The following ARSB variants were observed in gnomAD, a reference collection of about 807,000 sequenced individuals.
ARSB encodes the protein arylsulfatase B.
ARSB carries 41 observed loss-of-function variants against 50.9 expected under a neutral mutation model. The ratio of observed to expected loss-of-function variants is 0.81; its 90% CI spans 0.63 to 1.04. The LOEUF (loss-of-function observed/expected upper bound fraction) is 1.04. Ranked by LOEUF, ARSB falls within the 50% of genes least tolerant of loss-of-function variation. The pLI is 0.00. For missense variants in ARSB, 672 were observed against 693.3 expected (o/e 0.97, Z 0.35); for synonymous variants, 269 against 284.8 (o/e 0.94, Z 0.56).
chr5:78,845,510 A>G (rs1438064032), intron 5 of ARSB, among the ~76,000 whole-genome samples: 1 of 151,972 alleles, frequency 6.6e-6, no homozygotes, highest in Non-Finnish European at 1.5e-5. Context: ...GGATAAGAGT[A>G]CCCCTTTCTC....
intron 4 of ARSB, among the ~76,000 whole-genome samples, chr5:78,937,133 C>T (rs931155207): frequency 2.0e-5 from 3 of 151,638 alleles, no homozygotes; most frequent in South Asian, 2.1e-4. Context: ...ATATAAGAAA[C>T]GGATTCATCT....
At chr5:78,878,220 G>A (rs1470989521) in intron 5 of ARSB, among the ~76,000 whole-genome samples, 1 of 152,100 alleles carries the variant, frequency 6.6e-6, no homozygotes, top group Non-Finnish European at 1.5e-5. Flanking sequence ...TTTTTGAGAA[G>A]CTTTTCTTTT....
At chr5:78,845,070 A>G (rs1745384358) in intron 5 of ARSB, among the ~76,000 whole-genome samples, 1 of 151,324 alleles carries the variant, frequency 6.6e-6, no homozygotes, top group African/African-American at 2.4e-5. Context: ...GAAAAACACT[A>G]CTCTACTCTT....
chr5:78,797,109 A>G (rs1580977728), intron 6 of ARSB, among the ~76,000 whole-genome samples: 1 of 151,728 alleles, frequency 6.6e-6, no homozygotes, highest in Non-Finnish European at 1.5e-5. Flanking sequence ...CGATCTCCTG[A>G]CCTCGTGATC....
intron 1 of ARSB, among the ~76,000 whole-genome samples, chr5:78,972,545 C>CACACACACACACACACACACA (rs1752501584): frequency 4.2e-5 from 3 of 72,018 alleles, no homozygotes; most frequent in African/African-American, 2.2e-4. Flanking sequence ...ACACACACAC[C>CACACACACACACACACACACA]CCAAATCAAA....
intron 5 of ARSB, among the ~76,000 whole-genome samples, chr5:78,867,575 C>T (rs10039336): frequency 0.79 from 119,834 of 151,728 alleles, 47,615 homozygotes; most frequent in Middle Eastern, 0.85. Flanking sequence ...CCTCACACGG[C>T]AGGGTATTCC....
intron 6 of ARSB, among the ~76,000 whole-genome samples, chr5:78,797,918 AG>A (rs1743239982): frequency 6.6e-6 from 1 of 152,210 alleles, no homozygotes; most frequent in African/African-American, 2.4e-5. Context: ...GCATAGGGGA[AG>A]GGGCCTCTAA....
chr5:78,927,412 C>T (rs890679082), intron 4 of ARSB, among the ~76,000 whole-genome samples: 1 of 152,160 alleles, frequency 6.6e-6, no homozygotes, highest in African/African-American at 2.4e-5. Context: ...CTTTTCTCCC[C>T]TGAATAATGA....
chr5:78,886,477 T>A (rs1748041231), intron 4 of ARSB, among the ~76,000 whole-genome samples: 1 of 151,992 alleles, frequency 6.6e-6, no homozygotes. Context: ...GATGGTGAAA[T>A]AAAGTTTCAT....
At chr5:78,865,110 A>AGGGGGGGTCCTAGTAG (rs56143814) in intron 5 of ARSB, among the ~76,000 whole-genome samples, 1 of 151,838 alleles carries the variant, frequency 6.6e-6, no homozygotes, top group African/African-American at 2.4e-5. Flanking sequence ...CAGCTCCACT[A>AGGGGGGGTCCTAGTAG]GGACTCCGTA....
At chr5:78,938,826 T>C (rs1047629122) in intron 4 of ARSB, among the ~76,000 whole-genome samples, 4 of 152,218 alleles carry the variant, frequency 2.6e-5, no homozygotes, top group African/African-American at 9.7e-5. Flanking sequence ...TAATAAGTGC[T>C]AAAAGTTTAG....
At chr5:78,841,168 C>CTACTACTAATAATAATAATAATAA (rs368030435) in intron 5 of ARSB, among the ~76,000 whole-genome samples, 619 of 131,978 alleles carry the variant, frequency 4.7e-3, no homozygotes, top group Non-Finnish European at 6.0e-3. Context: ...ACTACTACTA[C>CTACTACTAATAATAATAATAATAA]TAATAATAAT....
intron 4 of ARSB, among the ~76,000 whole-genome samples, chr5:78,919,148 C>A (rs564421537): frequency 6.6e-6 from 1 of 152,300 alleles, no homozygotes; most frequent in Admixed American, 6.5e-5. Flanking sequence ...CGTGGGCTCA[C>A]CTGCTGTGAC....
intron 4 of ARSB, among the ~76,000 whole-genome samples, chr5:78,912,518 T>G (rs1749352998): frequency 6.6e-6 from 1 of 152,194 alleles, no homozygotes; most frequent in Non-Finnish European, 1.5e-5. Context: ...GGCCTGTCAG[T>G]TTTATCTGTA....
At chr5:78,835,589 C>G (rs1172436933) in intron 6 of ARSB, among the ~76,000 whole-genome samples, 1 of 152,136 alleles carries the variant, frequency 6.6e-6, no homozygotes, top group Non-Finnish European at 1.5e-5. Context: ...ATTCAAATTC[C>G]TCTAGTGCAT....
At chr5:78,981,301 A>C (rs1171027037) in intron 1 of ARSB, among the ~76,000 whole-genome samples, 1 of 152,182 alleles carries the variant, frequency 6.6e-6, no homozygotes, top group Non-Finnish European at 1.5e-5. Context: ...TCTGCTAATT[A>C]GTCTCCTCCA....
chr5:78,947,180 T>A (rs337867), intron 4 of ARSB, among the ~76,000 whole-genome samples: 88,886 of 151,834 alleles, frequency 0.59, 25,940 homozygotes, highest in East Asian at 0.67. Flanking sequence ...CAACTACTAA[T>A]AGAAAACATT....
rs1742999816 is a variant in ARSB, at chr5:78,792,632, G to A, written c.1214-10658C>T. ...CCAAAATACTACCTAAATAGAATGA[G>A]TGTGAAGAGGAAATAAGATTCTACA... On this transcript the variant is annotated intron_variant, in intron 6 of 7. Coordinates refer to ENST00000264914, the MANE Select transcript of ARSB (RefSeq NM_000046.5). 2.6e-5 allele frequency among the ~76,000 whole-genome samples: 4 copies of A among 152,160 alleles called. No individual in the cohort carries two copies. The South Asian group carries it at 6.2e-4, about 24-fold the overall frequency.
chr5:78,937,492 A>G (rs1316220222), intron 4 of ARSB, among the ~76,000 whole-genome samples: 1 of 148,446 alleles, frequency 6.7e-6, no homozygotes, highest in Non-Finnish European at 1.5e-5. Flanking sequence ...ATAAACTCAT[A>G]GAAAGGCCAC....
Sources: gnomAD v4.1 joint callset for allele counts (sites outside exome capture counted in the v4.1 genomes callset) on GRCh38, gnomAD v4.1.1 for gene constraint, MANE v1.5 for transcripts, NCBI Gene and HGNC (gene_info 2026-07-23, HGNC 2026-07-21) for gene names.